The following RAD18 variants were observed in gnomAD, a reference collection of about 807,000 sequenced individuals.
RAD18 encodes RAD18 E3 ubiquitin protein ligase.
In RAD18, 47 loss-of-function variants were observed where a neutral mutation model predicts 60.4. The observed-to-expected ratio is 0.78, with a 90% CI of 0.62 to 0.99. The LOEUF (loss-of-function observed/expected upper bound fraction) is 0.99. Ranked by LOEUF, RAD18 falls within the 50% of genes least tolerant of loss-of-function variation. The pLI, the probability that RAD18 is intolerant of heterozygous loss-of-function variation, is 0.00. For synonymous variants in RAD18, 225 were observed against 195.5 expected (o/e 1.15, Z -1.26); for missense variants, 640 against 593.3 (o/e 1.08, Z -0.82).
rs781232003 is a variant in RAD18 at position 8,947,214 on chromosome 3, T to A, written c.266+6A>T. 1.3e-6 allele frequency: 2 copies of A among 1,590,236 alleles called. No homozygotes were observed. Among genetic ancestry groups the A allele is most frequent in the East Asian group, 4.5e-5 (2 of 44,674 alleles). On this transcript the variant is annotated splice_donor_region_variant and intron_variant, in intron 4 of 12. Coordinates refer to ENST00000264926, the MANE Select transcript of RAD18 (RefSeq NM_020165.4). Reference sequence around the variant, plus strand: ...GTTAGAGGTTAGTCACAAAATTAAATCATACCGTGCAAAATTCAAGCTTTT... The same window carrying A: ...GTTAGAGGTTAGTCACAAAATTAAAACATACCGTGCAAAATTCAAGCTTTT...
At chr3:8,947,315 A>G in intron 3 of RAD18, 25 bp from the exon 4 acceptor site, 1 of 1,517,738 alleles carries the variant, frequency 6.6e-7, no homozygotes, top group Non-Finnish European at 9.1e-7. Context: ...CAACAGATGG[A>G]AAAAGGTCAA....
chr3:8,921,432 T>A (rs1940318632), intron 7 of RAD18, among the ~76,000 whole-genome samples: 1 of 152,200 alleles, frequency 6.6e-6, no homozygotes, highest in Admixed American at 6.5e-5. Flanking sequence ...CAGGGGAATC[T>A]CTTGAGGCTA....
At position 8,914,370 on chromosome 3, in the gene RAD18, T is replaced by G. The variant is rs79842327; in HGVS notation, c.890-650A>C. Among the ~76,000 whole-genome samples the G allele has an allele frequency of 3.5e-4, 53 of 152,306 alleles. No individual in the cohort carries two copies. The East Asian group carries it at 9.8e-3, about 28-fold the overall frequency. On this transcript the variant is annotated intron_variant, in intron 7 of 12. Transcript: ENST00000264926. ...ACAATCCCTAACCCTCATTTATACT[T>G]AAAAATTATATCTGGAATTTGCTTC...
Position 8,908,647 on chromosome 3 carries a change from C to T in RAD18, c.1027+3665G>A, listed in dbSNP as rs76989915. On this transcript the variant is annotated intron_variant, in intron 9 of 12. Coordinates refer to ENST00000264926, the MANE Select transcript of RAD18 (RefSeq NM_020165.4). ...CAATAAATTTGTTATTTAAGCCATG[C>T]GGTCTGCATGCAGTATTTTGTTTTG... 6.9e-3 allele frequency among the ~76,000 whole-genome samples: 1,046 copies of T among 152,186 alleles called. 11 individuals carry two copies. The highest frequency in any genetic ancestry group is 0.023 in the African/African-American group (934 of 41,510).
intron 8 of RAD18, among the ~76,000 whole-genome samples, chr3:8,913,240 T>TA (rs1940132852): frequency 6.6e-6 from 1 of 152,200 alleles, no homozygotes; most frequent in African/African-American, 2.4e-5. Context: ...TATCCTCTTA[T>TA]AATTACTTAA....
intron 2 of RAD18, among the ~76,000 whole-genome samples, chr3:8,954,378 T>C (rs76611075): frequency 0.011 from 1,684 of 152,352 alleles, 30 homozygotes; most frequent in African/African-American, 0.039. Flanking sequence ...ACTCTTTTGA[T>C]GTTTGAAAGC....
rs528887353 is a variant in RAD18 at position 8,930,711 on chromosome 3, G to C, written c.889+5160C>G. On this transcript the variant is annotated intron_variant, in intron 7 of 12. Coordinates refer to ENST00000264926, the MANE Select transcript of RAD18 (RefSeq NM_020165.4). ...ATAATAAACTAGGAAGGGAAGAAAT[G>C]TCCTCAACCTCATAAAAGGCATCTA... Among the ~76,000 whole-genome samples the C allele has an allele frequency of 5.9e-5, 9 of 152,218 alleles. 1 individual carries two copies. In the South Asian group the frequency reaches 1.9e-3, roughly 32 times the overall value.
At chr3:8,930,149 T>C (rs914636181) in intron 7 of RAD18, among the ~76,000 whole-genome samples, 1 of 152,220 alleles carries the variant, frequency 6.6e-6, no homozygotes, top group Non-Finnish European at 1.5e-5. Flanking sequence ...TTATTTATAA[T>C]AGCCAAAAAG....
chr3:8,897,164 C>T (rs1451970858), intron 11 of RAD18, among the ~76,000 whole-genome samples: 3 of 152,058 alleles, frequency 2.0e-5, no homozygotes, highest in Non-Finnish European at 4.4e-5. Context: ...AGACACTAAA[C>T]CAAACTCTGA....
intron 10 of RAD18, 52 bp from the exon 11 acceptor site, chr3:8,899,099 C>T (rs376195060): frequency 1.1e-5 from 15 of 1,400,898 alleles, no homozygotes; most frequent in South Asian, 1.4e-5. Flanking sequence ...TTCTGTATGC[C>T]TATTACTTCT....
rs1940642485 is a variant in RAD18 at position 8,935,916 on chromosome 3, C to T, written c.844G>A (p.Val282Ile). 6.2e-7 allele frequency: 1 copy of T among 1,611,382 alleles called. No individual in the cohort carries two copies. Among genetic ancestry groups the T allele is most frequent in the South Asian group, 1.1e-5 (1 of 90,584 alleles). Residue 282 changes from valine to isoleucine, a missense_variant, in exon 7 of 13, where the codon GTA becomes ATA. Coordinates refer to ENST00000264926, the MANE Select transcript of RAD18 (RefSeq NM_020165.4). ...QQLIKRHQEF[V>I]HMYNAQCDAL... ...TCGCATTGGGCATTGTACATGTGTA[C>T]AAATTCTTGGTGCCTTTTAATGAGC...
intron 2 of RAD18, among the ~76,000 whole-genome samples, chr3:8,950,523 C>G (rs1251900285): frequency 6.6e-6 from 1 of 152,170 alleles, no homozygotes; most frequent in East Asian, 1.9e-4. Flanking sequence ...AGTCCAGGGG[C>G]AAAGTTCGCT....
intron 2 of RAD18, 79 bp downstream of exon 2, chr3:8,958,841 A>T: frequency 9.1e-7 from 1 of 1,100,606 alleles, no homozygotes; most frequent in Non-Finnish European, 1.4e-6. Flanking sequence ...AAATATGTGC[A>T]CATATCTTTG....
At chr3:8,927,372 A>G (rs1043471045) in intron 7 of RAD18, among the ~76,000 whole-genome samples, 2 of 152,214 alleles carry the variant, frequency 1.3e-5, no homozygotes, top group Admixed American at 1.3e-4. Context: ...ACCATCTCAC[A>G]CCAGTTAGAA....
intron 7 of RAD18, among the ~76,000 whole-genome samples, chr3:8,916,722 G>C (rs1003422889): frequency 6.6e-6 from 1 of 151,730 alleles, no homozygotes; most frequent in Non-Finnish European, 1.5e-5. Flanking sequence ...CACAGTAACA[G>C]ATAACTTGAC....
chr3:8,955,005 C>T (rs1305799355), intron 2 of RAD18, among the ~76,000 whole-genome samples: 2 of 152,202 alleles, frequency 1.3e-5, no homozygotes. Flanking sequence ...CACTGACTTC[C>T]TCTTAAAGAA....
rs1360423767 is a variant in RAD18, at chr3:8,929,628, G to C, written c.889+6243C>G. On this transcript the variant is annotated intron_variant, in intron 7 of 12. Coordinates refer to ENST00000264926, the MANE Select transcript of RAD18 (RefSeq NM_020165.4). Reference sequence around the variant, plus strand: ...ACTAACAGGTGTTGGCAAGGACATGGAGCAACTGGAATTAATTTTTTTTTT... The same window carrying C: ...ACTAACAGGTGTTGGCAAGGACATGCAGCAACTGGAATTAATTTTTTTTTT... Among the ~76,000 whole-genome samples, 3 of 139,954 alleles carry C rather than the reference G, an allele frequency of 2.1e-5. 1 individual carries two copies. Among genetic ancestry groups the C allele is most frequent in the African/African-American group, 8.2e-5 (3 of 36,796 alleles). 91.8% of individuals were successfully genotyped at this position (139,954 alleles called of 152,430 possible). A position where few individuals can be genotyped will look rare whatever the true frequency, so the allele number is the denominator to read the frequency against.
intron 7 of RAD18, among the ~76,000 whole-genome samples, chr3:8,926,167 C>T (rs891886224): frequency 3.0e-4 from 46 of 152,240 alleles, no homozygotes; most frequent in Non-Finnish European, 4.0e-4. Context: ...AAAACCCCAT[C>T]GTCTCAGCCC....
chr3:8,929,533 G>C (rs142564691), intron 7 of RAD18, among the ~76,000 whole-genome samples: 1 of 152,044 alleles, frequency 6.6e-6, no homozygotes, highest in Non-Finnish European at 1.5e-5. Context: ...AAAGATGAAT[G>C]GTTAGTTTAA....
Sources: gnomAD v4.1 joint callset for allele counts (sites outside exome capture counted in the v4.1 genomes callset) on GRCh38, gnomAD v4.1.1 for gene constraint, MANE v1.5 for transcripts, NCBI Gene and HGNC (gene_info 2026-07-23, HGNC 2026-07-21) for gene names.